The following OSBPL10 variants were observed in gnomAD, a reference collection of about 807,000 sequenced individuals.
The protein encoded by OSBPL10 is oxysterol binding protein like 10.
OSBPL10 carries 49 observed loss-of-function variants against 81.7 expected under a neutral mutation model. The ratio of observed to expected loss-of-function variants is 0.60; its 90% CI spans 0.48 to 0.76. The LOEUF (loss-of-function observed/expected upper bound fraction) is 0.76. Ranked by LOEUF, OSBPL10 falls within the 30% of genes least tolerant of loss-of-function variation. The pLI, the probability that OSBPL10 is intolerant of heterozygous loss-of-function variation, is 0.00. For missense variants in OSBPL10, 923 were observed against 987.8 expected, an observed-to-expected ratio of 0.93 and a Z score of 0.88; for synonymous variants, 419 against 383.6, an observed-to-expected ratio of 1.09 and a Z score of -1.08.
intron 1 of OSBPL10, among the ~76,000 whole-genome samples, chr3:31,953,269 C>T (rs896359828): frequency 3.3e-5 from 5 of 151,980 alleles, no homozygotes; most frequent in African/African-American, 1.2e-4. Context: ...GTTTCAGAAC[C>T]TCTCCACGGG....
At chr3:31,742,698 G>A (rs1697391288) in intron 5 of OSBPL10, among the ~76,000 whole-genome samples, 2 of 152,162 alleles carry the variant, frequency 1.3e-5, no homozygotes, top group Admixed American at 6.5e-5. Context: ...CCTAGACTAA[G>A]ACTTGCAAGC....
intron 1 of OSBPL10, among the ~76,000 whole-genome samples, chr3:32,051,353 C>A (rs1559555345): frequency 6.6e-6 from 1 of 151,148 alleles, no homozygotes; most frequent in South Asian, 2.1e-4. Flanking sequence ...CCTTTTGGAG[C>A]GTTATCAGAA....
At chr3:31,786,191 C>T (rs74517120) in intron 4 of OSBPL10, among the ~76,000 whole-genome samples, 9,635 of 152,170 alleles carry the variant, frequency 0.063, 632 homozygotes, top group African/African-American at 0.17. Flanking sequence ...CCTTATAGAA[C>T]GGGGAAATTG....
At chr3:31,862,878 CAT>C (rs1017856292) in intron 3 of OSBPL10, among the ~76,000 whole-genome samples, 1 of 152,126 alleles carries the variant, frequency 6.6e-6, no homozygotes, top group African/African-American at 2.4e-5. Flanking sequence ...AAAAGCTAAA[CAT>C]AGAATTACCA....
intron 3 of OSBPL10, among the ~76,000 whole-genome samples, chr3:31,832,561 G>C (rs1183259554): frequency 6.6e-6 from 1 of 152,152 alleles, no homozygotes; most frequent in Non-Finnish European, 1.5e-5. Context: ...AAATGTATGA[G>C]ACAGTTTTTC....
At chr3:31,703,358 C>T (rs909306021) in intron 6 of OSBPL10, among the ~76,000 whole-genome samples, 1 of 152,206 alleles carries the variant, frequency 6.6e-6, no homozygotes, top group African/African-American at 2.4e-5. Context: ...TGCTTGCTTA[C>T]ATATAAGCAA....
intron 4 of OSBPL10, among the ~76,000 whole-genome samples, chr3:31,763,730 G>A (rs1328565527): frequency 6.6e-6 from 1 of 151,946 alleles, no homozygotes; most frequent in Non-Finnish European, 1.5e-5. Flanking sequence ...AATTTCACTA[G>A]TGCCAATTAT....
intron 6 of OSBPL10, among the ~76,000 whole-genome samples, chr3:31,715,974 G>A (rs1296076592): frequency 4.6e-5 from 7 of 152,136 alleles, no homozygotes; most frequent in Non-Finnish European, 1.0e-4. Context: ...ATGCAGTTAC[G>A]GGCCTGAACT....
intron 3 of OSBPL10, among the ~76,000 whole-genome samples, chr3:31,866,638 G>A (rs1340094415): frequency 6.6e-6 from 1 of 152,124 alleles, no homozygotes; most frequent in African/African-American, 2.4e-5. Flanking sequence ...GAGAGTTAGG[G>A]TATATCACTG....
At chr3:31,748,322 G>A (rs1235606410) in intron 4 of OSBPL10, among the ~76,000 whole-genome samples, 3 of 152,178 alleles carry the variant, frequency 2.0e-5, no homozygotes, top group Non-Finnish European at 4.4e-5. Context: ...CTAATCAAAA[G>A]AGAATTTGTC....
chr3:31,786,856 A>C (rs1211635978), intron 4 of OSBPL10, among the ~76,000 whole-genome samples: 1 of 152,190 alleles, frequency 6.6e-6, no homozygotes, highest in South Asian at 2.1e-4. Context: ...AGACTTTTGT[A>C]GATATGAGCA....
rs191594674 is a variant in OSBPL10 at position 32,030,936 on chromosome 3, C to T, written n.298+15555G>A. On this transcript the variant is annotated intron_variant and non_coding_transcript_variant, in intron 2 of 3. Transcript: ENST00000479173. ...ATCCCAGCACTTTGGGAGGCCGAGG[C>T]GGGTGGATCACCTGAGGTCAGGAGT... Among the ~76,000 whole-genome samples, 358 of 152,002 alleles carry T rather than the reference C, an allele frequency of 2.4e-3. 4 individuals carry two copies. Among genetic ancestry groups the T allele is most frequent in the African/African-American group, 7.8e-3 (323 of 41,488 alleles).
At chr3:31,997,199 A>G (rs1375209176) in intron 2 of OSBPL10, among the ~76,000 whole-genome samples, 1 of 152,086 alleles carries the variant, frequency 6.6e-6, no homozygotes, top group Non-Finnish European at 1.5e-5. Context: ...AAATATGACT[A>G]TTACAATGTC....
intron 4 of OSBPL10, among the ~76,000 whole-genome samples, chr3:31,818,915 C>T (rs1449407576): frequency 6.6e-6 from 1 of 152,238 alleles, no homozygotes; most frequent in Non-Finnish European, 1.5e-5. Context: ...CTTTAAAAAT[C>T]ACTAGTGAGT....
intron 3 of OSBPL10, among the ~76,000 whole-genome samples, chr3:31,831,889 C>T (rs1700251951): frequency 6.6e-6 from 1 of 152,216 alleles, no homozygotes; most frequent in African/African-American, 2.4e-5. Context: ...ATCCTCCAGA[C>T]ATACCTGCAG....
chr3:31,729,155 TA>T (rs149730768), intron 6 of OSBPL10, among the ~76,000 whole-genome samples: 1 of 152,178 alleles, frequency 6.6e-6, no homozygotes, highest in Non-Finnish European at 1.5e-5. Context: ...ACCTGACTTT[TA>T]AAAAACAGTT....
At chr3:31,934,330 T>A (rs1037253061) in intron 1 of OSBPL10, among the ~76,000 whole-genome samples, 1 of 151,010 alleles carries the variant, frequency 6.6e-6, no homozygotes, top group African/African-American at 2.4e-5. Flanking sequence ...AAAAACTTCA[T>A]CTGTGTGGGG....
chr3:31,970,660 A>G (rs1698531985), intron 1 of OSBPL10, among the ~76,000 whole-genome samples: 1 of 152,256 alleles, frequency 6.6e-6, no homozygotes, highest in South Asian at 2.1e-4. Flanking sequence ...ATCTCATTTT[A>G]AAGATTAAAT....
chr3:31,988,818 G>C (rs1321741233), intron 2 of OSBPL10: 1 of 520,044 alleles, frequency 1.9e-6, no homozygotes, highest in Non-Finnish European at 3.4e-6. Flanking sequence ...CTTGGAAGTA[G>C]GTTGTCACCA....
Sources: gnomAD v4.1 joint callset for allele counts (sites outside exome capture counted in the v4.1 genomes callset) on GRCh38, gnomAD v4.1.1 for gene constraint, MANE v1.5 for transcripts, NCBI Gene and HGNC (gene_info 2026-07-23, HGNC 2026-07-21) for gene names.